Variants in ST8SIA2 observed in about 807,000 individuals in gnomAD.
ST8SIA2 encodes the protein alpha-2,8-sialyltransferase 8B.
In ST8SIA2, 22 loss-of-function variants were observed where a neutral mutation model predicts 37.6. The ratio of observed to expected loss-of-function variants is 0.58; its 90% CI spans 0.42 to 0.83. The LOEUF (loss-of-function observed/expected upper bound fraction) is 0.83, where lower values mean the gene tolerates loss of function less well. ST8SIA2 is among the 40% of genes least tolerant of loss of function. The pLI is 0.00. For missense variants in ST8SIA2, 382 were observed against 484.7 expected, an observed-to-expected ratio of 0.79 and a Z score of 1.99; for synonymous variants, 205 against 201.2, an observed-to-expected ratio of 1.02 and a Z score of -0.16.
chr15:92,452,070 C>T (rs984128977), intron 5 of ST8SIA2, among the ~76,000 whole-genome samples: 2 of 152,148 alleles, frequency 1.3e-5, no homozygotes, highest in African/African-American at 4.8e-5. Context: ...TAATGAACTC[C>T]TCAACCCCTA....
At position 92,420,056 on chromosome 15, in the gene ST8SIA2, G is replaced by A. The variant is rs566353877; in HGVS notation, c.99-9993G>A. Among the ~76,000 whole-genome samples the A allele has an allele frequency of 3.9e-4, 59 of 152,184 alleles. 1 individual carries two copies. In the South Asian group the frequency reaches 0.011, roughly 28 times the overall value. ...AATTTTTTGTATTTTGATTAGAGAC[G>A]GGGTTTCACCATGTTGGCCAGGATG... On this transcript the variant is annotated intron_variant, in intron 1 of 5. Coordinates refer to ENST00000268164, the MANE Select transcript of ST8SIA2 (RefSeq NM_006011.4).
intron 1 of ST8SIA2, among the ~76,000 whole-genome samples, chr15:92,396,075 T>C (rs940382928): frequency 6.6e-6 from 1 of 152,222 alleles, no homozygotes; most frequent in Non-Finnish European, 1.5e-5. Context: ...ACTTGAGTGC[T>C]CCCTGCTTCT....
intron 1 of ST8SIA2, among the ~76,000 whole-genome samples, chr15:92,395,327 T>A (rs1207665470): frequency 6.6e-6 from 1 of 152,194 alleles, no homozygotes; most frequent in Non-Finnish European, 1.5e-5. Flanking sequence ...TCATTTGTTA[T>A]CTGTGCTAGT....
chr15:92,424,859 G>A lies in ST8SIA2; in HGVS notation c.99-5190G>A, dbSNP rs544314589. On this transcript the variant is annotated intron_variant, in intron 1 of 5. Coordinates refer to ENST00000268164, the MANE Select transcript of ST8SIA2 (RefSeq NM_006011.4). ...ACTCCTGACCTCAGGTGATCCACCC[G>A]CCTCAGCCTCCCAAAGTAAAAATTG... Among the ~76,000 whole-genome samples the A allele has an allele frequency of 3.9e-5, 6 of 152,210 alleles. No homozygotes were observed. In the South Asian group the frequency reaches 1.0e-3, roughly 26 times the overall value.
At chr15:92,394,962 G>C (rs1384147640) in intron 1 of ST8SIA2, among the ~76,000 whole-genome samples, 1 of 152,160 alleles carries the variant, frequency 6.6e-6, no homozygotes, top group Non-Finnish European at 1.5e-5. Flanking sequence ...CCTCGCCAGA[G>C]GTAGGGTGGG....
intron 1 of ST8SIA2, among the ~76,000 whole-genome samples, chr15:92,427,334 G>A (rs1421520831): frequency 6.6e-6 from 1 of 151,090 alleles, no homozygotes; most frequent in Non-Finnish European, 1.5e-5. Context: ...TGAGCACGGG[G>A]ACTATATATA....
intron 5 of ST8SIA2, among the ~76,000 whole-genome samples, chr15:92,450,957 A>G (rs908240834): frequency 2.6e-5 from 4 of 152,344 alleles, no homozygotes; most frequent in South Asian, 2.1e-4. Context: ...GGCAGTGACC[A>G]GGGATCAGTA....
intron 1 of ST8SIA2, among the ~76,000 whole-genome samples, chr15:92,403,914 C>T (rs949934237): frequency 2.0e-5 from 3 of 152,134 alleles, no homozygotes; most frequent in Non-Finnish European, 2.9e-5. Context: ...TGTCTTGGCC[C>T]GGGCAGGGAG....
At chr15:92,425,389 T>G (rs538861759) in intron 1 of ST8SIA2, among the ~76,000 whole-genome samples, 12 of 152,294 alleles carry the variant, frequency 7.9e-5, no homozygotes, top group African/African-American at 2.4e-4. Flanking sequence ...AGGGACGACT[T>G]CAGAAGAAAA....
chr15:92,394,300 G>A, intron 1 of ST8SIA2, 138 bp downstream of exon 1: 3 of 839,642 alleles, frequency 3.6e-6, no homozygotes, highest in Non-Finnish European at 5.8e-6. Context: ...CGGTTTGGCA[G>A]AAGGTGGCGG....
At chr15:92,439,529 A>G (rs1286936265) in intron 4 of ST8SIA2, among the ~76,000 whole-genome samples, 1 of 152,126 alleles carries the variant, frequency 6.6e-6, no homozygotes, top group Non-Finnish European at 1.5e-5. Flanking sequence ...AAACGTTCTC[A>G]TATTTCTGTG....
chr15:92,407,916 A>C (rs984109652), intron 1 of ST8SIA2, among the ~76,000 whole-genome samples: 2 of 152,182 alleles, frequency 1.3e-5, no homozygotes, highest in African/African-American at 4.8e-5. Flanking sequence ...AAGTCAATAA[A>C]GTCTAGTTAG....
chr15:92,464,171 G>T lies in ST8SIA2; in HGVS notation c.914G>T (p.Arg305Leu), dbSNP rs1178933853. 1.9e-6 allele frequency: 3 copies of T among 1,587,850 alleles called. No individual in the cohort carries two copies. The highest frequency in any genetic ancestry group is 2.6e-6 in the Non-Finnish European group (3 of 1,168,468). ...CTCTTGATGTATACCCTGGCCACAC[G>T]TTTCTGCAAACAAATCTACCTCTAC... ...TGLLMYTLAT[R>L]FCKQIYLYGF... Residue 305 changes from arginine to leucine, a missense_variant, in exon 6 of 6, where the codon CGT becomes CTT. By Grantham distance (102) the Arg-to-Leu change is moderately radical. Coordinates refer to ENST00000268164, the MANE Select transcript of ST8SIA2 (RefSeq NM_006011.4).
At chr15:92,409,687 C>T (rs1181454392) in intron 1 of ST8SIA2, among the ~76,000 whole-genome samples, 1 of 152,206 alleles carries the variant, frequency 6.6e-6, no homozygotes, top group Non-Finnish European at 1.5e-5. Flanking sequence ...CACGAGCCAC[C>T]CTGCTGGAAA....
chr15:92,398,851 T>A (rs2049450743), intron 1 of ST8SIA2, among the ~76,000 whole-genome samples: 1 of 152,204 alleles, frequency 6.6e-6, no homozygotes, highest in African/African-American at 2.4e-5. Flanking sequence ...AACGAATATA[T>A]CTGAAGACCA....
chr15:92,446,807 C>T (rs953250941), intron 5 of ST8SIA2, among the ~76,000 whole-genome samples: 1 of 152,084 alleles, frequency 6.6e-6, no homozygotes, highest in Non-Finnish European at 1.5e-5. Context: ...ACCTTAAGTG[C>T]AAAGGCCTTG....
intron 1 of ST8SIA2, among the ~76,000 whole-genome samples, chr15:92,418,412 T>C (rs1376970566): frequency 7.1e-6 from 1 of 140,662 alleles, no homozygotes; most frequent in African/African-American, 2.7e-5. Flanking sequence ...TGGTGAGCCA[T>C]GATCACGCCA....
chr15:92,441,571 G>C (rs2049801928), intron 4 of ST8SIA2, among the ~76,000 whole-genome samples: 1 of 124,100 alleles, frequency 8.1e-6, no homozygotes. Context: ...GAACTTCACT[G>C]TGCATGCACA....
intron 1 of ST8SIA2, among the ~76,000 whole-genome samples, chr15:92,422,999 C>G (rs1284813221): frequency 1.3e-5 from 2 of 152,214 alleles, no homozygotes; most frequent in Non-Finnish European, 2.9e-5. Flanking sequence ...TGCTGTGTGT[C>G]AGATGAGACC....
Sources: allele counts gnomAD v4.1 joint callset (sites outside exome capture counted in the v4.1 genomes callset), GRCh38; gene constraint gnomAD v4.1.1; transcripts MANE v1.5; gene names NCBI Gene and HGNC (gene_info 2026-07-23, HGNC 2026-07-21).